The following SEMA6A variants were observed in gnomAD, a reference collection of about 807,000 sequenced individuals.
SEMA6A encodes semaphorin 6A, also known as semaphorin-6A.
A neutral mutation model predicts 96.8 loss-of-function variants in SEMA6A; 25 were observed. The observed-to-expected ratio is 0.26, with a 90% CI of 0.19 to 0.36. The LOEUF (loss-of-function observed/expected upper bound fraction) is 0.36. Among genes scored for constraint, SEMA6A ranks in the 10% least tolerant of loss-of-function variants. The pLI is 1.00. For missense variants in SEMA6A, 1,363 were observed against 1,323.1 expected, an observed-to-expected ratio of 1.03 and a Z score of -0.47; for synonymous variants, 612 against 518.0, an observed-to-expected ratio of 1.18 and a Z score of -2.46.
chr5:116,454,482 C>G (rs554785384), intron 18 of SEMA6A, among the ~76,000 whole-genome samples: 1 of 152,262 alleles, frequency 6.6e-6, no homozygotes, highest in Non-Finnish European at 1.5e-5. Context: ...AATGAATGAA[C>G]TAATCACTAG....
In SEMA6A at chr5:116,480,207, G is replaced by T. The variant is rs1756680196; in HGVS notation, c.1165C>A (p.Leu389Met). ...AGCGGGTGCGTCTTGATGAAGTTCA[G>T]GGTATCATCAGGGAACTCATTGGAG... ...ATSNEFPDDTLNFIKTHPLMD... is the reference protein window; with the variant it reads ...ATSNEFPDDTMNFIKTHPLMD... Residue 389 changes from leucine (L) to methionine (M), a missense_variant, in exon 12 of 19, where the codon CTG becomes ATG. Physicochemically the swap from Leu to Met is conservative, Grantham distance 15. Around this residue, in one of 2 missense-constraint regions of SEMA6A, gnomAD observed 480 missense variants for 559.5 expected, o/e 0.86. Coordinates refer to ENST00000343348, the MANE Select transcript of SEMA6A (RefSeq NM_020796.5). 2 of 1,613,736 alleles carry T rather than the reference G, an allele frequency of 1.2e-6. No individual in the cohort carries two copies. Among genetic ancestry groups the T allele is most frequent in the South Asian group, 1.1e-5 (1 of 91,084 alleles).
intron 1 of SEMA6A, among the ~76,000 whole-genome samples, chr5:116,546,707 T>G (rs868019505): frequency 3.3e-4 from 50 of 152,184 alleles, no homozygotes; most frequent in African/African-American, 1.1e-3. Flanking sequence ...GACCACTGCC[T>G]GGAAAGCCCC....
intron 2 of SEMA6A, among the ~76,000 whole-genome samples, chr5:116,504,523 C>G (rs1249597981): frequency 2.6e-5 from 4 of 152,154 alleles, no homozygotes; most frequent in African/African-American, 9.7e-5. Context: ...AGTAATACTG[C>G]CAATACCCAG....
intron 12 of SEMA6A, among the ~76,000 whole-genome samples, chr5:116,478,933 T>A (rs1015228368): frequency 7.4e-3 from 278 of 37,684 alleles, no homozygotes; most frequent in Non-Finnish European, 0.017. Context: ...TGAGAGAGTG[T>A]GTGTGTGTGT....
At chr5:116,503,070 G>A (rs1179291552) in intron 2 of SEMA6A, among the ~76,000 whole-genome samples, 1 of 152,152 alleles carries the variant, frequency 6.6e-6, no homozygotes, top group Non-Finnish European at 1.5e-5. Flanking sequence ...TGGCCAATCT[G>A]TATTGAGATC....
Position 116,482,551 on chromosome 5 carries a change from G to T in SEMA6A, c.987C>A (p.Ala329=), listed in dbSNP as rs1756837788. The T allele has an allele frequency of 6.2e-7, 1 of 1,613,536 alleles. No homozygotes were observed. Among genetic ancestry groups the T allele is most frequent in the Non-Finnish European group, 8.5e-7 (1 of 1,179,678 alleles). Residue 329 remains alanine, a synonymous_variant, in exon 11 of 19, where the codon GCC becomes GCA. Transcript: ENST00000343348. ...YNSIPGSAVC[A]YDMLDIASVF... is the part of the protein sequence containing the mutation. ...CACTGGCAATGTCAAGCATGTCATA[G>T]GCACAGACTGCAGACCCAGGGATGC...
At position 116,539,590 on chromosome 5, in the gene SEMA6A, C is replaced by CGTGTGTGTGTGTGT. The variant is rs138539399; in HGVS notation, c.-39+34581_-39+34594dup. Among the ~76,000 whole-genome samples, 221 of 144,948 alleles carry CGTGTGTGTGTGTGT rather than the reference C, an allele frequency of 1.5e-3. 2 individuals are homozygous for CGTGTGTGTGTGTGT. Among genetic ancestry groups the CGTGTGTGTGTGTGT allele is most frequent in the African/African-American group, 4.6e-3 (179 of 39,114 alleles). On this transcript the variant is annotated intron_variant, in intron 1 of 18. Coordinates refer to ENST00000343348, the MANE Select transcript of SEMA6A (RefSeq NM_020796.5). The stretch of plus-strand genomic sequence containing the variant: ...TGCAATACATTTTAATAATTCTGTG[C>CGTGTGTGTGTGTGT]GTGTGTGTGTGTGTGTGTGTGTGTG...
chr5:116,494,918 T>C (rs1324579290), intron 6 of SEMA6A, among the ~76,000 whole-genome samples: 3 of 138,976 alleles, frequency 2.2e-5, no homozygotes, highest in Non-Finnish European at 4.8e-5. Flanking sequence ...AGCCCTTGCA[T>C]AAAGCCAAAG....
chr5:116,446,333 T>C lies in SEMA6A; in HGVS notation c.*280A>G. The stretch of plus-strand genomic sequence containing the variant: ...ATGTGCTTTTGGCTCATGTTTGTGA[T>C]GATAACTGAAGTCTTTTGTGGGTCC... On this transcript the variant is annotated 3_prime_UTR_variant, in exon 19 of 19. Coordinates refer to ENST00000343348, the MANE Select transcript of SEMA6A (RefSeq NM_020796.5). The C allele has an allele frequency of 3.1e-6, 1 of 319,678 alleles. No homozygotes were observed. The highest frequency in any genetic ancestry group is 5.7e-6 in the Non-Finnish European group (1 of 174,144). The allele number at this position is 319,678 out of a possible 1,614,324, so 19.8% of individuals were successfully genotyped here. A position where few individuals can be genotyped will look rare whatever the true frequency, so the allele number is the denominator to read the frequency against.
intron 18 of SEMA6A, among the ~76,000 whole-genome samples, chr5:116,461,103 C>G (rs900195303): frequency 6.6e-6 from 1 of 152,062 alleles, no homozygotes; most frequent in African/African-American, 2.4e-5. Flanking sequence ...TTTTCATAGT[C>G]AGCAACAATA....
At chr5:116,530,211 T>A (rs1199888147) in intron 1 of SEMA6A, among the ~76,000 whole-genome samples, 1 of 152,174 alleles carries the variant, frequency 6.6e-6, no homozygotes, top group Non-Finnish European at 1.5e-5. Context: ...TCTCAGTGTT[T>A]ACATTACTTT....
chr5:116,447,633 G>C lies in SEMA6A; in HGVS notation c.2073C>G (p.Leu691=). 6.2e-7 allele frequency: 1 copy of C among 1,614,028 alleles called. No individual in the cohort carries two copies. Among genetic ancestry groups the C allele is most frequent in the Non-Finnish European group, 8.5e-7 (1 of 1,179,892 alleles). The change falls in exon 19 of 19, where the codon CTC becomes CTG. Residue 691 remains leucine (L), a synonymous_variant. Coordinates refer to ENST00000343348, the MANE Select transcript of SEMA6A (RefSeq NM_020796.5). ...VAVVQRKEKE[L]THSRRGSMSS... is the part of the protein sequence containing the mutation. ...TCATGGAGCCCCGGCGCGAGTGGGT[G>C]AGCTCCTTCTCCTTGCGCTGCACCA... is the stretch of plus-strand genomic sequence containing the variant.
chr5:116,535,195 A>T (rs1344532159), intron 1 of SEMA6A, among the ~76,000 whole-genome samples: 1 of 152,168 alleles, frequency 6.6e-6, no homozygotes, highest in Admixed American at 6.5e-5. Flanking sequence ...AAGGAGAAGG[A>T]AGTGGAGTGA....
In SEMA6A at chr5:116,447,010, C is replaced by G; in HGVS notation, c.2696G>C (p.Gly899Ala). The G allele has an allele frequency of 6.2e-7, 1 of 1,613,960 alleles. No homozygotes were observed. Among genetic ancestry groups the G allele is most frequent in the Non-Finnish European group, 8.5e-7 (1 of 1,179,892 alleles). The change falls in exon 19 of 19, where the codon GGT becomes GCT. Residue 899 changes from glycine (G) to alanine (A), a missense_variant. Gly to Ala is a moderately conservative substitution (Grantham distance 60, BLOSUM62 0). This residue lies in a region of SEMA6A where 883 missense variants were observed against 763.6 expected (regional missense o/e 1.16). Coordinates refer to ENST00000343348, the MANE Select transcript of SEMA6A (RefSeq NM_020796.5). Reference sequence around the variant, plus strand: ...GTGCATTTCCAGCCGCTTGCTTAGACCGGTCTGAGACAGGGAGGCTCCCGG... The same window carrying G: ...GTGCATTTCCAGCCGCTTGCTTAGAGCGGTCTGAGACAGGGAGGCTCCCGG... ...GPPGASLSQTGLSKRLEMHHS... is the reference protein window; with the variant it reads ...GPPGASLSQTALSKRLEMHHS...
chr5:116,536,886 A>AGGC, intron 1 of SEMA6A, among the ~76,000 whole-genome samples: 1 of 151,194 alleles, frequency 6.6e-6, no homozygotes, highest in African/African-American at 2.4e-5. Context: ...AAAAAAAAAA[A>AGGC]AAAAAAAAGC....
At chr5:116,486,176 T>C (rs1338946340) in intron 10 of SEMA6A, among the ~76,000 whole-genome samples, 3 of 152,208 alleles carry the variant, frequency 2.0e-5, no homozygotes, top group Non-Finnish European at 4.4e-5. Flanking sequence ...GGTGGCTTTG[T>C]TGGACAGGTT....
chr5:116,475,929 A>C (rs1756421676), intron 15 of SEMA6A, among the ~76,000 whole-genome samples: 1 of 152,188 alleles, frequency 6.6e-6, no homozygotes, highest in African/African-American at 2.4e-5. Context: ...GTTAAAATAC[A>C]CGCCTCATAG....
chr5:116,480,650 T>G (rs1756710376), intron 11 of SEMA6A, among the ~76,000 whole-genome samples: 1 of 152,084 alleles, frequency 6.6e-6, no homozygotes, highest in Non-Finnish European at 1.5e-5. Flanking sequence ...CCTCATGCAT[T>G]TACTCTACAG....
chr5:116,474,784 C>T (rs1399085084), intron 16 of SEMA6A, among the ~76,000 whole-genome samples: 1 of 152,140 alleles, frequency 6.6e-6, no homozygotes, highest in Non-Finnish European at 1.5e-5. Context: ...TGAAATTCAG[C>T]ATATATAACA....
Sources: gnomAD v4.1 joint callset for allele counts (sites outside exome capture counted in the v4.1 genomes callset) on GRCh38, gnomAD v4.1.1 for gene constraint, gnomAD v4.1.1 regional missense constraint, MANE v1.5 for transcripts, NCBI Gene and HGNC (gene_info 2026-07-23, HGNC 2026-07-21) for gene names.